Variants in PPP1R3A observed in about 807,000 individuals in gnomAD.
PPP1R3A encodes the protein protein phosphatase 1 regulatory subunit 3A, also known as RG1.
Under a neutral mutation model 41.7 loss-of-function variants are expected in PPP1R3A, and 29 were observed. That is an observed-to-expected ratio of 0.70 (90% CI 0.52 to 0.95). The LOEUF (loss-of-function observed/expected upper bound fraction) is 0.95. Ranked by LOEUF, PPP1R3A falls within the 40% of genes least tolerant of loss-of-function variation. The pLI is 0.00. For synonymous variants in PPP1R3A, 485 were observed against 453.4 expected, an observed-to-expected ratio of 1.07 and a Z score of -0.89; for missense variants, 1,352 against 1,292.4, an observed-to-expected ratio of 1.05 and a Z score of -0.71.
At chr7:113,912,383 G>A (rs1402548489) in intron 1 of PPP1R3A, among the ~76,000 whole-genome samples, 1 of 152,116 alleles carries the variant, frequency 6.6e-6, no homozygotes, top group Non-Finnish European at 1.5e-5. Context: ...TCACACATGT[G>A]TGTGCATGTG....
intron 1 of PPP1R3A, among the ~76,000 whole-genome samples, chr7:113,897,565 GAA>G (rs11336103): frequency 4.1e-3 from 593 of 143,932 alleles, no homozygotes; most frequent in Middle Eastern, 7.1e-3. Flanking sequence ...TCTCTTAAAG[GAA>G]AAAAAAAAAA....
Position 113,879,122 on chromosome 7 carries a change from T to C in PPP1R3A, c.1970A>G (p.Asn657Ser), listed in dbSNP as rs752754409. ...DNSPQHKQSW[N>S]VLESQGKSRE... ...TGATTTTCCCTGACTTTCCAGAACA[T>C]TCCAACTTTGTTTATGCTGTGGGCT... Residue 657 changes from asparagine (N) to serine (S), a missense_variant, in exon 4 of 4, where the codon AAT (asparagine) becomes AGT (serine). Physicochemically the swap from Asn to Ser is conservative, Grantham distance 46 (BLOSUM62 1). Coordinates refer to ENST00000284601, the MANE Select transcript of PPP1R3A (RefSeq NM_002711.4). 1.1e-5 allele frequency: 17 copies of C among 1,613,802 alleles called. No individual in the cohort carries two copies. The highest frequency in any genetic ancestry group is 1.3e-5 in the Non-Finnish European group (15 of 1,179,814).
Position 113,879,822 on chromosome 7 carries a change from T to C in PPP1R3A, c.1270A>G (p.Ser424Gly). The C allele has an allele frequency of 1.9e-6, 3 of 1,613,210 alleles. No individual in the cohort carries two copies. Among genetic ancestry groups the C allele is most frequent in the Non-Finnish European group, 2.5e-6 (3 of 1,179,382 alleles). The change falls in exon 4 of 4, where the codon AGT becomes GGT. Residue 424 changes from serine (S) to glycine (G), a missense_variant. Transcript: ENST00000284601. Reference sequence around the variant, plus strand: ...GTATGTAATTGCACTAGTTCATCACTACTAGTATCTCCCAATGATGGCTTG... The same window carrying C: ...GTATGTAATTGCACTAGTTCATCACCACTAGTATCTCCCAATGATGGCTTG... ...EIKPSLGDTS[S>G]DELVQLHTGS... is the part of the protein sequence containing the mutation.
rs1014529761 is a variant in PPP1R3A, at chr7:113,876,781, G to A, written c.*942C>T. 6.6e-6 allele frequency: 1 copy of A among 152,234 alleles called. No homozygotes were observed. Among genetic ancestry groups the A allele is most frequent in the South Asian group, 2.1e-4 (1 of 4,824 alleles). 9.4% of individuals were successfully genotyped at this position (152,234 alleles called of 1,614,324 possible). On this transcript the variant is annotated 3_prime_UTR_variant, in exon 4 of 4. Transcript: ENST00000284601. ...ACTGTTTTCTAAATGCATTTTGGGG[G>A]ATAATTCATTCTCTTAGAAAATATT...
chr7:113,905,244 T>C (rs1185095740), intron 1 of PPP1R3A, among the ~76,000 whole-genome samples: 1 of 151,748 alleles, frequency 6.6e-6, no homozygotes, highest in African/African-American at 2.4e-5. Context: ...TGTTTCCAAT[T>C]CTTGTCATAA....
chr7:113,907,581 T>C (rs1207580800), intron 1 of PPP1R3A, among the ~76,000 whole-genome samples: 1 of 151,756 alleles, frequency 6.6e-6, no homozygotes, highest in Non-Finnish European at 1.5e-5. Context: ...CAGCAAGATG[T>C]AGTTTCATAA....
At chr7:113,907,370 C>T (rs894822055) in intron 1 of PPP1R3A, among the ~76,000 whole-genome samples, 1 of 151,608 alleles carries the variant, frequency 6.6e-6, no homozygotes, top group African/African-American at 2.4e-5. Context: ...CCTGATGAGG[C>T]AGCATTAGTA....
intron 1 of PPP1R3A, among the ~76,000 whole-genome samples, chr7:113,887,654 G>C (rs1181490980): frequency 6.6e-6 from 1 of 152,112 alleles, no homozygotes; most frequent in Non-Finnish European, 1.5e-5. Flanking sequence ...TAGGTTTTAG[G>C]GATAACTAGA....
At chr7:113,908,411 A>T (rs542337489) in intron 1 of PPP1R3A, among the ~76,000 whole-genome samples, 1 of 151,986 alleles carries the variant, frequency 6.6e-6, no homozygotes, top group East Asian at 1.9e-4. Flanking sequence ...ACTGGGCAGT[A>T]TTACACTGCT....
chr7:113,892,744 G>C (rs1796914206), intron 1 of PPP1R3A, among the ~76,000 whole-genome samples: 1 of 151,954 alleles, frequency 6.6e-6, no homozygotes. Flanking sequence ...TGCCAGAAAT[G>C]AAAACGAAAT....
chr7:113,888,596 T>C (rs1796828101), intron 1 of PPP1R3A, among the ~76,000 whole-genome samples: 1 of 152,120 alleles, frequency 6.6e-6, no homozygotes, highest in South Asian at 2.1e-4. Flanking sequence ...AGGTCTTGAA[T>C]TAGTCTGCAG....
rs1490891046 is a variant in PPP1R3A, at chr7:113,878,872, A to G, written c.2220T>C (p.Thr740=). The G allele has an allele frequency of 2.5e-6, 4 of 1,612,828 alleles. No individual in the cohort carries two copies. The highest frequency in any genetic ancestry group is 3.4e-6 in the Non-Finnish European group (4 of 1,179,736). The change falls in exon 4 of 4, where the codon ACT becomes ACC. Residue 740 remains threonine, a synonymous_variant. Transcript: ENST00000284601. ...TTTCTCTAGCAGACATGCTTTCTGGAGTACTTTCTGATGTTGTCTTAATTA... is the reference window on the plus strand; with the variant it reads ...TTTCTCTAGCAGACATGCTTTCTGGGGTACTTTCTGATGTTGTCTTAATTA... ...AYIIKTTSES[T]PESMSAREKA...
chr7:113,890,158 G>A (rs1214003342), intron 1 of PPP1R3A, among the ~76,000 whole-genome samples: 2 of 151,976 alleles, frequency 1.3e-5, no homozygotes, highest in Non-Finnish European at 2.9e-5. Context: ...TAAAAGCCCA[G>A]GGCACCAGCC....
chr7:113,882,317 TTTACTG>T lies in PPP1R3A; in HGVS notation c.783-3_785del. On this transcript the variant is annotated splice_acceptor_variant and splice_polypyrimidine_tract_variant and coding_sequence_variant and intron_variant, in exon 2 of 4. Transcript: ENST00000284601. LOFTEE classifies it high-confidence loss of function. ...CTTCTGATGTTACTGATGATTCTTCTTTACTGTTAAATTTAAAAGAAAATGTTATAT... is the reference window on the plus strand; with the variant it reads ...CTTCTGATGTTACTGATGATTCTTCTTTAAATTTAAAAGAAAATGTTATAT... 6.9e-7 allele frequency: 1 copy of T among 1,445,132 alleles called. No homozygotes were observed. The highest frequency in any genetic ancestry group is 9.7e-7 in the Non-Finnish European group (1 of 1,030,380). 89.5% of individuals were successfully genotyped at this position (1,445,132 alleles called of 1,614,324 possible). A position where few individuals can be genotyped will look rare whatever the true frequency, so the allele number is the denominator to read the frequency against.
Position 113,878,956 on chromosome 7 carries a change from T to A in PPP1R3A, c.2136A>T (p.Glu712Asp). The change falls in exon 4 of 4, where the codon GAA (glutamate) becomes GAT (aspartate). Residue 712 changes from glutamate (E) to aspartate (D), a missense_variant. Glu to Asp is a conservative substitution (Grantham distance 45). Transcript: ENST00000284601. The part of the protein sequence containing the change: ...LFTCQETVCC[E>D]LSSLADHGIT... Reference sequence around the variant, plus strand: ...TGCCATGATCAGCTAGAGAAGACAGTTCACAGCACACTGTTTCTTGGCAGG... The same window carrying A: ...TGCCATGATCAGCTAGAGAAGACAGATCACAGCACACTGTTTCTTGGCAGG... 1 of 1,613,280 alleles carries A rather than the reference T, an allele frequency of 6.2e-7. No homozygotes were observed. Among genetic ancestry groups the A allele is most frequent in the Non-Finnish European group, 8.5e-7 (1 of 1,179,786 alleles).
intron 1 of PPP1R3A, among the ~76,000 whole-genome samples, chr7:113,896,876 A>C (rs1040579605): frequency 8.6e-5 from 13 of 151,112 alleles, no homozygotes; most frequent in African/African-American, 2.7e-4. Flanking sequence ...TATGAAAAAA[A>C]CATATGGAGT....
intron 1 of PPP1R3A, among the ~76,000 whole-genome samples, chr7:113,913,013 G>A (rs1027751438): frequency 8.5e-5 from 13 of 152,182 alleles, no homozygotes; most frequent in South Asian, 8.3e-4. Context: ...GACCTCCAAG[G>A]AAACTTGAAG....
At chr7:113,917,005 T>C (rs1021317191) in intron 1 of PPP1R3A, among the ~76,000 whole-genome samples, 2 of 152,062 alleles carry the variant, frequency 1.3e-5, no homozygotes, top group African/African-American at 2.4e-5. Context: ...ATTGCTTCCA[T>C]CTATACTGCA....
At chr7:113,893,773 A>G (rs1013711532) in intron 1 of PPP1R3A, among the ~76,000 whole-genome samples, 1 of 152,010 alleles carries the variant, frequency 6.6e-6, no homozygotes, top group Non-Finnish European at 1.5e-5. Flanking sequence ...CTCTATTTCA[A>G]TATCTAAGTT....
Sources: allele counts gnomAD v4.1 joint callset (sites outside exome capture counted in the v4.1 genomes callset), GRCh38; gene constraint gnomAD v4.1.1; transcripts MANE v1.5; gene names NCBI Gene and HGNC (gene_info 2026-07-23, HGNC 2026-07-21).